The following TCF20 variants were observed in gnomAD, a reference collection of about 807,000 sequenced individuals.
TCF20 encodes SPRE-binding protein.
Under a neutral mutation model 148.6 loss-of-function variants are expected in TCF20, and 3 were observed. That is an observed-to-expected ratio of 0.02 (90% CI 0.01 to 0.05). The LOEUF (loss-of-function observed/expected upper bound fraction) is 0.05, where lower values mean the gene tolerates loss of function less well. Among genes scored for constraint, TCF20 ranks in the 10% least tolerant of loss-of-function variants. TCF20 has a pLI of 1.00. For synonymous variants in TCF20, 1,049 were observed against 909.5 expected, an observed-to-expected ratio of 1.15 and a Z score of -2.76; for missense variants, 2,350 against 2,429.3, an observed-to-expected ratio of 0.97 and a Z score of 0.69.
At chr22:42,333,745 C>T (rs1372928063) in intron 1 of TCF20, among the ~76,000 whole-genome samples, 1 of 152,266 alleles carries the variant, frequency 6.6e-6, no homozygotes, top group Non-Finnish European at 1.5e-5. Context: ...CACAGCCACA[C>T]ACAGAGGAAG....
intron 1 of TCF20, among the ~76,000 whole-genome samples, chr22:42,245,049 C>CTCCA (rs1256599286): frequency 6.6e-6 from 1 of 152,064 alleles, no homozygotes; most frequent in Admixed American, 6.5e-5. Flanking sequence ...TGCCACTGCA[C>CTCCA]TCCAGCCTGG....
At position 42,170,626 on chromosome 22, in the gene TCF20, C is replaced by CAAAAAAAAAAAAAAAAAAAA. The variant is rs58579686; in HGVS notation, c.5750-750_5750-731dup. 1.4e-4 allele frequency among the ~76,000 whole-genome samples: 10 copies of CAAAAAAAAAAAAAAAAAAAA among 72,102 alleles called. 1 individual carries two copies. Among genetic ancestry groups the CAAAAAAAAAAAAAAAAAAAA allele is most frequent in the African/African-American group, 4.9e-4 (8 of 16,358 alleles). 47.3% of individuals were successfully genotyped at this position (72,102 alleles called of 152,430 possible). On this transcript the variant is annotated intron_variant, in intron 3 of 5. Transcript: ENST00000677622. ...CTGGTGACAGAGCGAGACTCCGTCT[C>CAAAAAAAAAAAAAAAAAAAA]AAAAAAAAAAAAAAAAAAAAAAAAA...
chr22:42,202,008 C>T (rs1938063222), intron 2 of TCF20, among the ~76,000 whole-genome samples: 1 of 152,070 alleles, frequency 6.6e-6, no homozygotes, highest in African/African-American at 2.4e-5. Flanking sequence ...AATACTGCAC[C>T]TGAAATACCT....
Position 42,211,197 on chromosome 22 carries a change from G to A in TCF20, c.4109C>T (p.Ser1370Leu), listed in dbSNP as rs768208107. 10 of 1,614,030 alleles carry A rather than the reference G, an allele frequency of 6.2e-6. No homozygotes were observed. Among genetic ancestry groups the A allele is most frequent in the Middle Eastern group, 1.6e-4 (1 of 6,084 alleles). ...TSPNIRRSAS[S>L]NSAEAGGDTV... ...GTCTCCCCCAGCCTCCGCACTGTTC[G>A]AAGATGCGCTCCTCCTAATATTTGG... Residue 1370 changes from serine to leucine, a missense_variant, in exon 2 of 6, where the codon TCG (serine) becomes TTG (leucine). Around this residue, in one of 7 missense-constraint regions of TCF20, gnomAD observed 231 missense variants for 213.7 expected, o/e 1.08. Coordinates refer to ENST00000677622, the MANE Select transcript of TCF20 (RefSeq NM_001378418.1).
chr22:42,300,369 G>A (rs1301817913), intron 1 of TCF20, among the ~76,000 whole-genome samples: 1 of 150,262 alleles, frequency 6.7e-6, no homozygotes, highest in Non-Finnish European at 1.5e-5. Context: ...AAACTTCCCT[G>A]TTTTAATTTT....
At chr22:42,320,204 C>T (rs1279860638) in intron 1 of TCF20, among the ~76,000 whole-genome samples, 3 of 152,212 alleles carry the variant, frequency 2.0e-5, no homozygotes, top group Non-Finnish European at 4.4e-5. Flanking sequence ...TACCAGCCTC[C>T]TTTGGGCCTC....
chr22:42,319,064 G>A lies in TCF20; in HGVS notation c.-37+24415C>T, dbSNP rs541475065. Among the ~76,000 whole-genome samples, 5 of 152,336 alleles carry A rather than the reference G, an allele frequency of 3.3e-5. No individual in the cohort carries two copies. The East Asian group carries it at 9.6e-4, about 29-fold the overall frequency. On this transcript the variant is annotated intron_variant, in intron 1 of 1. Transcript: ENST00000515426. ...GGGGGCATGAGAGGACTCAGACACAGCCCCACATGCAGGGAACATTCAGGC... is the reference window on the plus strand; with the variant it reads ...GGGGGCATGAGAGGACTCAGACACAACCCCACATGCAGGGAACATTCAGGC...
intron 1 of TCF20, among the ~76,000 whole-genome samples, chr22:42,250,074 T>C (rs1225933134): frequency 6.6e-6 from 1 of 152,110 alleles, no homozygotes; most frequent in African/African-American, 2.4e-5. Flanking sequence ...AAGTGCACTA[T>C]GATCATGCCT....
At chr22:42,270,777 C>T (rs1926582246), upstream of TCF20, among the ~76,000 whole-genome samples, 1 of 144,400 alleles carries the variant, frequency 6.9e-6, no homozygotes, top group South Asian at 2.1e-4. Context: ...CGGGGCCGGG[C>T]GCGCGCGTGC....
intron 1 of TCF20, among the ~76,000 whole-genome samples, chr22:42,230,991 T>C (rs1020226033): frequency 6.6e-6 from 1 of 151,982 alleles, no homozygotes; most frequent in African/African-American, 2.4e-5. Context: ...AAACCCCGTC[T>C]CTACTAAAAA....
At position 42,210,148 on chromosome 22, in the gene TCF20, G is replaced by C; in HGVS notation, c.5158C>G (p.Leu1720Val). 6.2e-7 allele frequency: 1 copy of C among 1,614,164 alleles called. No homozygotes were observed. Among genetic ancestry groups the C allele is most frequent in the Non-Finnish European group, 8.5e-7 (1 of 1,180,032 alleles). The change falls in exon 2 of 6, where the codon CTC becomes GTC. Residue 1720 changes from leucine to valine, a missense_variant. Transcript: ENST00000677622. The surrounding 1 kb of genome is among the most constrained non-coding windows in gnomAD (Gnocchi z 4.7). ...TCTTGGGGATAAAAAGGTCCAAAGAGGTCACCCATGTTCCGGTAACTGGCC... is the reference window on the plus strand; with the variant it reads ...TCTTGGGGATAAAAAGGTCCAAAGACGTCACCCATGTTCCGGTAACTGGCC... Reference protein sequence around the residue: ...KWASYRNMGDLFGPFYPQDYA... With the variant: ...KWASYRNMGDVFGPFYPQDYA...
chr22:42,169,617 C>T (rs1935997387), intron 4 of TCF20, among the ~76,000 whole-genome samples: 1 of 152,228 alleles, frequency 6.6e-6, no homozygotes, highest in Non-Finnish European at 1.5e-5. Context: ...TCTCCCAAAA[C>T]ACATTTCTCC....
intron 1 of TCF20, among the ~76,000 whole-genome samples, chr22:42,268,848 T>C (rs1434587816): frequency 6.6e-6 from 1 of 152,246 alleles, no homozygotes; most frequent in African/African-American, 2.4e-5. Context: ...CCAACTTTTA[T>C]GCTCTGTTGA....
rs537886926 is a variant in TCF20 at position 42,160,375 on chromosome 22, C to T, written c.*1028G>A. 1.3e-5 allele frequency: 2 copies of T among 152,766 alleles called. No homozygotes were observed. Among genetic ancestry groups the T allele is most frequent in the South Asian group, 4.1e-4 (2 of 4,822 alleles). 9.5% of individuals were successfully genotyped at this position (152,766 alleles called of 1,614,324 possible). A position where few individuals can be genotyped will look rare whatever the true frequency, so the allele number is the denominator to read the frequency against. On this transcript the variant is annotated 3_prime_UTR_variant, in exon 6 of 6. Transcript: ENST00000677622. ...AACCCACTCTGATCACAGCGACAGTCCCTCCCCGTCCCTGCCTACAGCTCA... is the reference window on the plus strand; with the variant it reads ...AACCCACTCTGATCACAGCGACAGTTCCTCCCCGTCCCTGCCTACAGCTCA...
intron 1 of TCF20, among the ~76,000 whole-genome samples, chr22:42,264,320 G>T (rs965385912): frequency 6.6e-6 from 1 of 151,964 alleles, no homozygotes; most frequent in Non-Finnish European, 1.5e-5. Flanking sequence ...CATAACCAGA[G>T]AATGTTTCCT....
chr22:42,288,525 A>C (rs1484101950), upstream of TCF20, among the ~76,000 whole-genome samples: 1 of 125,838 alleles, frequency 7.9e-6, no homozygotes, highest in Non-Finnish European at 1.6e-5. Context: ...ATAGAGCAAG[A>C]CTCCATCTCA....
At chr22:42,201,325 T>G (rs556100892) in intron 2 of TCF20, among the ~76,000 whole-genome samples, 1 of 152,316 alleles carries the variant, frequency 6.6e-6, no homozygotes, top group African/African-American at 2.4e-5. Flanking sequence ...AGTTCACATA[T>G]TCTCAGTATA....
rs77135103 is a variant in TCF20 at position 42,248,964 on chromosome 22, G to T, written c.-37+21375C>A. 5.4e-3 allele frequency among the ~76,000 whole-genome samples: 815 copies of T among 152,296 alleles called. 10 individuals are homozygous for T. Among genetic ancestry groups the T allele is most frequent in the African/African-American group, 0.019 (783 of 41,556 alleles). On this transcript the variant is annotated intron_variant, in intron 1 of 5. Coordinates refer to ENST00000677622, the MANE Select transcript of TCF20 (RefSeq NM_001378418.1). ...ACTGTGTTGTGTGTGTGTCTGTGAGGATGTTTTCAGAGATTAGTGTGCGAG... is the reference window on the plus strand; with the variant it reads ...ACTGTGTTGTGTGTGTGTCTGTGAGTATGTTTTCAGAGATTAGTGTGCGAG...
chr22:42,226,261 C>T (rs1006916947), intron 1 of TCF20, among the ~76,000 whole-genome samples: 4 of 152,126 alleles, frequency 2.6e-5, no homozygotes, highest in African/African-American at 7.2e-5. Flanking sequence ...AAATGCTGAG[C>T]GTAGGGGCTT....
Sources: allele counts gnomAD v4.1 joint callset (sites outside exome capture counted in the v4.1 genomes callset), GRCh38; gene constraint gnomAD v4.1.1; regional missense constraint gnomAD v4.1.1; non-coding constraint Gnocchi (gnomAD v3.1); transcripts MANE v1.5; gene names NCBI Gene and HGNC (gene_info 2026-07-23, HGNC 2026-07-21).